Variants in CDH19 observed in about 807,000 individuals in gnomAD.
CDH19 encodes the protein cadherin 19.
CDH19 carries 67 observed loss-of-function variants against 64.2 expected under a neutral mutation model. That is an observed-to-expected ratio of 1.04 (90% confidence interval 0.86 to 1.28). CDH19 has a LOEUF of 1.28. CDH19 is among the 50% of genes most tolerant of loss of function. The pLI is 0.00. For synonymous variants in CDH19, 346 were observed against 319.3 expected (o/e 1.08, Z -0.89); for missense variants, 1,030 against 929.0 (o/e 1.11, Z -1.41).
intron 9 of CDH19, among the ~76,000 whole-genome samples, chr18:66,520,034 A>C (rs898413757): frequency 6.6e-6 from 1 of 152,028 alleles, no homozygotes; most frequent in Non-Finnish European, 1.5e-5. Context: ...AACTATAAAA[A>C]ATTAGCCGGG....
intron 5 of CDH19, among the ~76,000 whole-genome samples, chr18:66,545,679 G>A (rs1352467170): frequency 6.6e-6 from 1 of 151,928 alleles, no homozygotes; most frequent in Non-Finnish European, 1.5e-5. Flanking sequence ...GATACCTGAA[G>A]TTACTGAATA....
intron 9 of CDH19, among the ~76,000 whole-genome samples, chr18:66,511,911 C>G (rs1391180197): frequency 4.0e-5 from 6 of 151,504 alleles, no homozygotes; most frequent in Admixed American, 3.3e-4. Flanking sequence ...AATAAACAAA[C>G]TCTTGTTGAT....
Position 66,506,219 on chromosome 18 carries a change from C to G in CDH19, c.1829-917G>C, listed in dbSNP as rs567778112. On this transcript the variant is annotated intron_variant, in intron 11 of 11. Transcript: ENST00000262150. ...AGGTTATTCAATTGGTGCAAAGTTA[C>G]AGTGGGACAGGAGGAATAAGTTCTG... Among the ~76,000 whole-genome samples, 3 of 152,038 alleles carry G rather than the reference C, an allele frequency of 2.0e-5. No individual in the cohort carries two copies. In the East Asian group the frequency reaches 5.8e-4, roughly 29 times the overall value.
chr18:66,593,228 CA>C (rs1988792795), intron 1 of CDH19, among the ~76,000 whole-genome samples: 1 of 151,736 alleles, frequency 6.6e-6, no homozygotes, highest in Non-Finnish European at 1.5e-5. Flanking sequence ...ATAATAACAG[CA>C]AAATAAATAG....
chr18:66,551,300 C>G (rs1168153452), intron 4 of CDH19, 42 bp from the exon 5 acceptor site: 1 of 1,058,364 alleles, frequency 9.4e-7, no homozygotes. Context: ...CATTATTAAT[C>G]ATGACAAAGT....
intron 10 of CDH19, among the ~76,000 whole-genome samples, chr18:66,510,868 T>C (rs1719073758): frequency 6.6e-6 from 1 of 151,626 alleles, no homozygotes; most frequent in African/African-American, 2.4e-5. Context: ...CTGCAAGTAT[T>C]TGGTTACAGA....
At chr18:66,527,045 ATATG>A (rs201308554) in intron 9 of CDH19, among the ~76,000 whole-genome samples, 4,926 of 117,620 alleles carry the variant, frequency 0.042, 247 homozygotes, top group African/African-American at 0.15. Flanking sequence ...GTATATATAT[ATATG>A]TGTGTGTGTG....
intron 1 of CDH19, among the ~76,000 whole-genome samples, chr18:66,590,894 G>A (rs1183700996): frequency 6.6e-6 from 1 of 151,874 alleles, no homozygotes; most frequent in Non-Finnish European, 1.5e-5. Flanking sequence ...GGATTTTGCG[G>A]GTCTGTATCT....
At position 66,555,586 on chromosome 18, in the gene CDH19, T is replaced by G. The variant is rs1320860777; in HGVS notation, c.491-1062A>C. Among the ~76,000 whole-genome samples the G allele has an allele frequency of 2.0e-5, 3 of 151,804 alleles. 1 individual carries two copies. Among genetic ancestry groups the G allele is most frequent in the South Asian group, 4.1e-4 (2 of 4,834 alleles). ...AGAATTTCTTCTTATTCACATAATT[T>G]TATGGGTAATACTTTTACCTGATTC... On this transcript the variant is annotated intron_variant, in intron 3 of 11. Transcript: ENST00000262150.
At chr18:66,576,184 A>C (rs987253830) in intron 1 of CDH19, among the ~76,000 whole-genome samples, 2 of 151,572 alleles carry the variant, frequency 1.3e-5, no homozygotes, top group East Asian at 3.9e-4. Flanking sequence ...CAGTATGTTT[A>C]ATATTAACCA....
At chr18:66,564,935 T>C (rs1413311165) in intron 3 of CDH19, among the ~76,000 whole-genome samples, 9 of 151,668 alleles carry the variant, frequency 5.9e-5, no homozygotes, top group African/African-American at 1.7e-4. Context: ...GAAGATTACA[T>C]ATTTGATAGG....
Position 66,554,402 on chromosome 18 carries a change from T to A in CDH19, c.610+3A>T, listed in dbSNP as rs1476825397. 6.2e-7 allele frequency: 1 copy of A among 1,610,862 alleles called. No individual in the cohort carries two copies. Among genetic ancestry groups the A allele is most frequent in the South Asian group, 1.1e-5 (1 of 90,818 alleles). On this transcript the variant is annotated splice_donor_region_variant and intron_variant, in intron 4 of 11. Transcript: ENST00000262150. Reference sequence around the variant, plus strand: ...AAACTTTGCTTGTTTCATTCACAAATACCTGTTGTTGGTTCAACAGAAAAA... The same window carrying A: ...AAACTTTGCTTGTTTCATTCACAAAAACCTGTTGTTGGTTCAACAGAAAAA...
chr18:66,536,161 T>C (rs1341715407), intron 7 of CDH19, among the ~76,000 whole-genome samples: 2 of 151,606 alleles, frequency 1.3e-5, no homozygotes, highest in Non-Finnish European at 3.0e-5. Context: ...GGTTCAATAA[T>C]GGCTTCTCAT....
At chr18:66,507,093 T>C (rs1019989183) in intron 11 of CDH19, among the ~76,000 whole-genome samples, 3 of 151,990 alleles carry the variant, frequency 2.0e-5, no homozygotes, top group Non-Finnish European at 2.9e-5. Flanking sequence ...TGTTTGTTTG[T>C]AGATTTTCAG....
intron 7 of CDH19, among the ~76,000 whole-genome samples, chr18:66,536,552 T>C (rs1428117174): frequency 6.6e-6 from 1 of 151,832 alleles, no homozygotes; most frequent in African/African-American, 2.4e-5. Flanking sequence ...CAGGATGTTA[T>C]AGTCTTTAGT....
intron 7 of CDH19, among the ~76,000 whole-genome samples, chr18:66,542,289 C>A (rs925336006): frequency 6.6e-6 from 1 of 152,094 alleles, no homozygotes; most frequent in Admixed American, 6.5e-5. Context: ...GGGAACATTT[C>A]TTGGTATCAA....
chr18:66,579,446 G>A (rs1434450557), intron 1 of CDH19, among the ~76,000 whole-genome samples: 1 of 151,964 alleles, frequency 6.6e-6, no homozygotes, highest in Non-Finnish European at 1.5e-5. Flanking sequence ...TGTAATCTGT[G>A]GAATAGCAGC....
chr18:66,553,614 G>T lies in CDH19; in HGVS notation c.610+791C>A, dbSNP rs1285787155. Among the ~76,000 whole-genome samples the T allele has an allele frequency of 3.0e-5, 4 of 133,526 alleles. 2 individuals are homozygous for T. The highest frequency in any genetic ancestry group is 6.1e-5 in the Non-Finnish European group (4 of 65,474). The allele number at this position is 133,526 out of a possible 152,430, so 87.6% of individuals were successfully genotyped here. A position where few individuals can be genotyped will look rare whatever the true frequency, so the allele number is the denominator to read the frequency against. ...TATTTTCCTTGTATTAAAAACCATA[G>T]AATTTTACTTCTTTGGCACTTCTCA... On this transcript the variant is annotated intron_variant, in intron 4 of 11. Transcript: ENST00000262150.
chr18:66,582,134 C>T (rs1036050570), intron 1 of CDH19, among the ~76,000 whole-genome samples: 2 of 152,084 alleles, frequency 1.3e-5, no homozygotes, highest in African/African-American at 4.8e-5. Flanking sequence ...CTATAAATTA[C>T]ATTTTAACGT....
Sources: allele counts gnomAD v4.1 joint callset (sites outside exome capture counted in the v4.1 genomes callset), GRCh38; gene constraint gnomAD v4.1.1; transcripts MANE v1.5; gene names NCBI Gene and HGNC (gene_info 2026-07-23, HGNC 2026-07-21).